Variants in OR2G6 observed in about 807,000 individuals in gnomAD.
OR2G6 encodes olfactory receptor family 2 subfamily G member 6.
For missense variants in OR2G6, 457 were observed against 391.3 expected (o/e 1.17, Z -1.42); for synonymous variants, 183 against 155.2 (o/e 1.18, Z -1.33).
Position 248,521,466 on chromosome 1 carries a change from G to A in OR2G6, c.-36-145G>A, listed in dbSNP as rs146540185. Reference sequence around the variant, plus strand: ...AAAATAGAAGGAAGTGGCATTTCCCGCCCATGGATTTATGTTGAGGAAAGT... The same window carrying A: ...AAAATAGAAGGAAGTGGCATTTCCCACCCATGGATTTATGTTGAGGAAAGT... On this transcript the variant is annotated intron_variant, in intron 1 of 1. Transcript: ENST00000641804. The A allele has an allele frequency of 1.1e-3, 566 of 501,908 alleles. 7 individuals carry two copies. The highest frequency in any genetic ancestry group is 8.4e-3 in the South Asian group (202 of 24,160). The allele number at this position is 501,908 out of a possible 1,614,324, so 31.1% of individuals were successfully genotyped here.
At chr1:248,520,178 A>G (rs975864657) in intron 1 of OR2G6, among the ~76,000 whole-genome samples, 2 of 152,192 alleles carry the variant, frequency 1.3e-5, no homozygotes, top group African/African-American at 4.8e-5. Context: ...ACAAGAACAG[A>G]AAAGCAAACA....
In OR2G6 at chr1:248,526,427, C is replaced by CTTAAAGTTGAATTTATCAATTGCTGGAAG. The variant is rs1234162625; in HGVS notation, c.*3831_*3859dup. The CTTAAAGTTGAATTTATCAATTGCTGGAAG allele has an allele frequency of 6.6e-6, 1 of 152,166 alleles. No individual in the cohort carries two copies. The allele number at this position is 152,166 out of a possible 1,614,324, so 9.4% of individuals were successfully genotyped here. A position where few individuals can be genotyped will look rare whatever the true frequency, so the allele number is the denominator to read the frequency against. ...AGCTGGGGCTGGTACCATAGGGATACTTAAAGTTGAATTTATCAATTGCTG... is the reference window on the plus strand; with the variant it reads ...AGCTGGGGCTGGTACCATAGGGATACTTAAAGTTGAATTTATCAATTGCTGGAAGTTAAAGTTGAATTTATCAATTGCTG... On this transcript the variant is annotated 3_prime_UTR_variant, in exon 2 of 2. Transcript: ENST00000641804.
chr1:248,524,549 TCTCA>T lies in OR2G6; in HGVS notation c.*1953_*1956del, dbSNP rs771525116. The T allele has an allele frequency of 6.6e-5, 10 of 152,232 alleles. No individual in the cohort carries two copies. Among genetic ancestry groups the T allele is most frequent in the Non-Finnish European group, 1.5e-4 (10 of 68,004 alleles). 9.4% of individuals were successfully genotyped at this position (152,232 alleles called of 1,614,324 possible). On this transcript the variant is annotated 3_prime_UTR_variant, in exon 2 of 2. Coordinates refer to ENST00000641804, the MANE Select transcript of OR2G6 (RefSeq NM_001013355.2). ...AGGAAAGAATGTACCTGTGTCAGAG[TCTCA>T]ATCAATTTACATGGAATATGGCCCC... is the stretch of plus-strand genomic sequence containing the variant.
chr1:248,524,756 AAAT>A lies in OR2G6; in HGVS notation c.*2162_*2164del, dbSNP rs1354853156. ...TAATATGGAATACAAATCCCACTGA[AAAT>A]AAAATCAAATTATTACTGTATACAA... On this transcript the variant is annotated 3_prime_UTR_variant, in exon 2 of 2. Transcript: ENST00000641804. The A allele has an allele frequency of 4.6e-5, 7 of 152,204 alleles. No individual in the cohort carries two copies. The highest frequency in any genetic ancestry group is 1.5e-5 in the Non-Finnish European group (1 of 68,014). The allele number at this position is 152,204 out of a possible 1,614,324, so 9.4% of individuals were successfully genotyped here.
rs1247976278 is a variant in OR2G6 at position 248,523,674 on chromosome 1, C to A, written c.*1077C>A. 1 of 151,254 alleles carries A rather than the reference C, an allele frequency of 6.6e-6. No individual in the cohort carries two copies. The highest frequency in any genetic ancestry group is 1.5e-5 in the Non-Finnish European group (1 of 67,908). The allele number at this position is 151,254 out of a possible 1,614,324, so 9.4% of individuals were successfully genotyped here. A position where few individuals can be genotyped will look rare whatever the true frequency, so the allele number is the denominator to read the frequency against. ...CAAACTTTTACTTTCTGATTTAATT[C>A]TGTCTCTATCTCTCTGTGTATCTTT... On this transcript the variant is annotated 3_prime_UTR_variant, in exon 2 of 2. Transcript: ENST00000641804.
rs971407128 is a variant in OR2G6 at position 248,525,693 on chromosome 1, C to G, written c.*3096C>G. The G allele has an allele frequency of 6.6e-6, 1 of 152,064 alleles. No individual in the cohort carries two copies. The highest frequency in any genetic ancestry group is 1.5e-5 in the Non-Finnish European group (1 of 67,994). The allele number at this position is 152,064 out of a possible 1,614,324, so 9.4% of individuals were successfully genotyped here. On this transcript the variant is annotated 3_prime_UTR_variant, in exon 2 of 2. Coordinates refer to ENST00000641804, the MANE Select transcript of OR2G6 (RefSeq NM_001013355.2). ...TGTGCAAAATAACCAGCTAGCATCACGATGACAAGATCAAATTCACACATA... is the reference window on the plus strand; with the variant it reads ...TGTGCAAAATAACCAGCTAGCATCAGGATGACAAGATCAAATTCACACATA...
chr1:248,520,240 C>T (rs985146045), intron 1 of OR2G6, among the ~76,000 whole-genome samples: 9 of 152,016 alleles, frequency 5.9e-5, no homozygotes, highest in Admixed American at 3.3e-4. Context: ...CACATGGACA[C>T]AGGGAGGGGA....
In OR2G6 at chr1:248,522,414, A is replaced by G; in HGVS notation, c.768A>G (p.Ile256Met). Residue 256 changes from isoleucine to methionine, a missense_variant, in exon 2 of 2, where the codon ATA becomes ATG. Transcript: ENST00000641804. The stretch of plus-strand genomic sequence containing the variant: ...TCATCATTTTCTATGGGACCATCAT[A>G]TTCATGTACCTTCAACCGGCCAATA... ...VVVIIFYGTI[I>M]FMYLQPANRR... 2 of 1,614,136 alleles carry G rather than the reference A, an allele frequency of 1.2e-6. No homozygotes were observed. Among genetic ancestry groups the G allele is most frequent in the Non-Finnish European group, 1.7e-6 (2 of 1,180,020 alleles).
At position 248,521,871 on chromosome 1, in the gene OR2G6, C is replaced by T. The variant is rs929885249; in HGVS notation, c.225C>T (p.Thr75=). The T allele has an allele frequency of 1.9e-6, 3 of 1,614,026 alleles. No individual in the cohort carries two copies. Among genetic ancestry groups the T allele is most frequent in the South Asian group, 1.1e-5 (1 of 91,086 alleles). The change falls in exon 2 of 2, where the codon ACC becomes ACT. Residue 75 remains threonine (T), a synonymous_variant. Transcript: ENST00000641804. ...CGTGTGTGGACATCTGCTTTACCACCAGTGTTGCCCCACAGTTGCTGGTTA... is the reference window on the plus strand; with the variant it reads ...CGTGTGTGGACATCTGCTTTACCACTAGTGTTGCCCCACAGTTGCTGGTTA... The part of the protein sequence containing the change: ...NLSCVDICFT[T]SVAPQLLVTM...
At chr1:248,519,942 G>A (rs1337874941) in intron 1 of OR2G6, among the ~76,000 whole-genome samples, 1 of 149,166 alleles carries the variant, frequency 6.7e-6, no homozygotes, top group African/African-American at 2.5e-5. Context: ...TATATCCAAA[G>A]GATTATAAAT....
At position 248,522,079 on chromosome 1, in the gene OR2G6, G is replaced by A; in HGVS notation, c.433G>A (p.Ala145Thr). The A allele has an allele frequency of 6.2e-7, 1 of 1,614,116 alleles. No individual in the cohort carries two copies. Among genetic ancestry groups the A allele is most frequent in the Non-Finnish European group, 8.5e-7 (1 of 1,180,030 alleles). ...GCACCCCAGGTTCTGTGCGTCTCTG[G>A]CCGGTGGAGCATGGCTCAGCGGCCT... ...IMHPRFCASL[A>T]GGAWLSGLIT... is the part of the protein sequence containing the mutation. Residue 145 changes from alanine (A) to threonine (T), a missense_variant, in exon 2 of 2, where the codon GCC becomes ACC. Coordinates refer to ENST00000641804, the MANE Select transcript of OR2G6 (RefSeq NM_001013355.2).
rs754315964 is a variant in OR2G6 at position 248,522,212 on chromosome 1, G to C, written c.566G>C (p.Cys189Ser). Residue 189 changes from cysteine (C) to serine (S), a missense_variant, in exon 2 of 2, where the codon TGT (cysteine) becomes TCT (serine). By Grantham distance (112) the Cys-to-Ser change is moderately radical. Transcript: ENST00000641804. ...GTGCCAGTGCTCATCAAACTGGCCT[G>C]TGTGGATACGACTTTCAACGAGGCA... ...CEVPVLIKLA[C>S]VDTTFNEAEL... 3 of 1,614,054 alleles carry C rather than the reference G, an allele frequency of 1.9e-6. No homozygotes were observed. Among genetic ancestry groups the C allele is most frequent in the South Asian group, 2.2e-5 (2 of 91,088 alleles).
Position 248,522,496 on chromosome 1 carries a change from C to A in OR2G6, c.850C>A (p.Leu284Ile). 1.9e-6 allele frequency: 3 copies of A among 1,613,772 alleles called. No homozygotes were observed. The highest frequency in any genetic ancestry group is 2.5e-6 in the Non-Finnish European group (3 of 1,179,922). ...TCTTTTCTATACCATAGTCACCCCA[C>A]TTTTAAACCCCATTATCTACACTCT... ...VSLFYTIVTP[L>I]LNPIIYTLRN... The change falls in exon 2 of 2, where the codon CTT becomes ATT. Residue 284 changes from leucine (L) to isoleucine (I), a missense_variant. Transcript: ENST00000641804.
At chr1:248,520,294 G>T (rs1449431060) in intron 1 of OR2G6, among the ~76,000 whole-genome samples, 1 of 152,144 alleles carries the variant, frequency 6.6e-6, no homozygotes, top group Non-Finnish European at 1.5e-5. Context: ...GGGCTAGGAA[G>T]GAGGGATAGC....
rs746931205 is a variant in OR2G6 at position 248,522,150 on chromosome 1, CTG to C, written c.507_508del (p.Cys169TrpfsTer11). 5 of 1,614,050 alleles carry C rather than the reference CTG, an allele frequency of 3.1e-6. No homozygotes were observed. Among genetic ancestry groups the C allele is most frequent in the Non-Finnish European group, 4.2e-6 (5 of 1,180,032 alleles). ...QCSLTVQLPL[C>X]GHRTLDHIFC... Reference sequence around the variant, plus strand: ...GCTCCCTCACTGTGCAGCTGCCCCTCTGTGGTCATCGCACACTGGATCATATT... The same window carrying C: ...GCTCCCTCACTGTGCAGCTGCCCCTCTGGTCATCGCACACTGGATCATATT... On this transcript the variant is annotated frameshift_variant, in exon 2 of 2. Coordinates refer to ENST00000641804, the MANE Select transcript of OR2G6 (RefSeq NM_001013355.2). LOFTEE classifies it low-confidence loss of function (END_TRUNC).
Position 248,523,314 on chromosome 1 carries a change from T to C in OR2G6, c.*717T>C, listed in dbSNP as rs181047250. ...AATATTAAGAGTTGTGATGCTTTGGTTCCACAGAATTGTGGGATGCAAATA... is the reference window on the plus strand; with the variant it reads ...AATATTAAGAGTTGTGATGCTTTGGCTCCACAGAATTGTGGGATGCAAATA... On this transcript the variant is annotated 3_prime_UTR_variant, in exon 2 of 2. Coordinates refer to ENST00000641804, the MANE Select transcript of OR2G6 (RefSeq NM_001013355.2). 37 of 152,270 alleles carry C rather than the reference T, an allele frequency of 2.4e-4. No individual in the cohort carries two copies. The highest frequency in any genetic ancestry group is 8.5e-4 in the Admixed American group (13 of 15,296). The allele number at this position is 152,270 out of a possible 1,614,324, so 9.4% of individuals were successfully genotyped here.
intron 1 of OR2G6, among the ~76,000 whole-genome samples, chr1:248,521,064 A>T (rs1664274831): frequency 6.9e-6 from 1 of 144,610 alleles, no homozygotes; most frequent in South Asian, 2.1e-4. Context: ...AAAAAAAAAA[A>T]ATACAACAAT....
At position 248,521,821 on chromosome 1, in the gene OR2G6, A is replaced by G. The variant is rs58955396; in HGVS notation, c.175A>G (p.Met59Val). The G allele has an allele frequency of 5.1e-3, 8,276 of 1,614,006 alleles. 344 individuals are homozygous for G. The African/African-American group carries it at 0.095, about 19-fold the overall frequency. Residue 59 changes from methionine (M) to valine (V), a missense_variant, in exon 2 of 2, where the codon ATG becomes GTG. Coordinates refer to ENST00000641804, the MANE Select transcript of OR2G6 (RefSeq NM_001013355.2). ...TCTGGACTCCAGACTCCACACTCCA[A>G]TGTACTTCTTCCTCAGCAACCTCTC... is the stretch of plus-strand genomic sequence containing the variant. ...CCLDSRLHTP[M>V]YFFLSNLSCV...
chr1:248,525,012 T>A lies in OR2G6; in HGVS notation c.*2415T>A, dbSNP rs950764423. 33 of 152,210 alleles carry A rather than the reference T, an allele frequency of 2.2e-4. No homozygotes were observed. The highest frequency in any genetic ancestry group is 7.7e-4 in the African/African-American group (32 of 41,466). The allele number at this position is 152,210 out of a possible 1,614,324, so 9.4% of individuals were successfully genotyped here. ...TTAGAGCTTTCCTATGATATGGATATGTTTATACTGCTTTTATAATCATCA... is the reference window on the plus strand; with the variant it reads ...TTAGAGCTTTCCTATGATATGGATAAGTTTATACTGCTTTTATAATCATCA... On this transcript the variant is annotated 3_prime_UTR_variant, in exon 2 of 2. Transcript: ENST00000641804.
Sources: gnomAD v4.1 joint callset for allele counts (sites outside exome capture counted in the v4.1 genomes callset) on GRCh38, gnomAD v4.1.1 for gene constraint, MANE v1.5 for transcripts, NCBI Gene and HGNC (gene_info 2026-07-23, HGNC 2026-07-21) for gene names.